RAF1: variants seen among roughly 807,000 people sequenced by gnomAD.
The protein encoded by RAF1 is Raf-1 proto-oncogene, serine/threonine kinase.
A neutral mutation model predicts 81.1 loss-of-function variants in RAF1; 27 were observed. The ratio of observed to expected loss-of-function variants is 0.33; its 90% CI spans 0.25 to 0.46. The LOEUF is 0.46. Among genes scored for constraint, RAF1 ranks in the 20% least tolerant of loss-of-function variants. The probability of loss-of-function intolerance (pLI) is 1.00; values close to 1 mark genes in which losing one functional copy is unlikely to be tolerated. For synonymous variants in RAF1, 298 were observed against 294.0 expected (o/e 1.01, Z -0.14); for missense variants, 598 against 826.0 (o/e 0.72, Z 3.38).
At position 12,654,914 on chromosome 3, in the gene RAF1, G is replaced by A. The variant is rs185049349; in HGVS notation, c.-27+8899C>T. Among the ~76,000 whole-genome samples, 6 of 150,796 alleles carry A rather than the reference G, an allele frequency of 4.0e-5. No individual in the cohort carries two copies. In the East Asian group the frequency reaches 1.2e-3, roughly 31 times the overall value. On this transcript the variant is annotated intron_variant, in intron 1 of 17. Transcript: ENST00000442415. ...AGGAGGGCTGGGCGCAGTGGCTCAA[G>A]CCTGTAATCCCAGTACTTTAGGAGG...
At chr3:12,626,804 A>G (rs1283536044) in intron 1 of RAF1, among the ~76,000 whole-genome samples, 1 of 151,784 alleles carries the variant, frequency 6.6e-6, no homozygotes, top group Admixed American at 6.6e-5. Flanking sequence ...CAGGTGAATT[A>G]CCTGAGGTCA....
intron 2 of RAF1, among the ~76,000 whole-genome samples, chr3:12,615,448 C>G (rs2059343493): frequency 6.6e-6 from 1 of 152,182 alleles, no homozygotes; most frequent in East Asian, 1.9e-4. Context: ...CTAGAACCCA[C>G]TGAGTGATTA....
intron 3 of RAF1, among the ~76,000 whole-genome samples, chr3:12,610,309 C>T (rs2059169380): frequency 6.6e-6 from 1 of 152,200 alleles, no homozygotes; most frequent in African/African-American, 2.4e-5. Context: ...ACAATACATT[C>T]CTTAATATAA....
intron 13 of RAF1, chr3:12,590,385 G>A (rs1325787805): frequency 2.2e-4 from 41 of 188,534 alleles, no homozygotes; most frequent in African/African-American, 9.7e-4. Flanking sequence ...GTGCAGTAAC[G>A]TGATCTAAGC....
At chr3:12,653,475 T>C (rs573538189) in intron 1 of RAF1, among the ~76,000 whole-genome samples, 4 of 152,076 alleles carry the variant, frequency 2.6e-5, no homozygotes, top group South Asian at 2.1e-4. Flanking sequence ...GCTGGGCACA[T>C]TGGCTCATTC....
At chr3:12,631,497 G>T (rs1435116800) in intron 1 of RAF1, among the ~76,000 whole-genome samples, 3 of 152,184 alleles carry the variant, frequency 2.0e-5, no homozygotes, top group African/African-American at 7.2e-5. Context: ...TTCTCGGAAG[G>T]CTGAAGCAGG....
rs2125396773 is a variant in RAF1, at chr3:12,604,125, T to G, written c.834+11A>C. The G allele has an allele frequency of 6.2e-7, 1 of 1,613,886 alleles. No individual in the cohort carries two copies. Among genetic ancestry groups the G allele is most frequent in the Non-Finnish European group, 8.5e-7 (1 of 1,179,970 alleles). On this transcript the variant is annotated intron_variant, in intron 7 of 17. Coordinates refer to ENST00000442415, the MANE Select transcript of RAF1 (RefSeq NM_001354689.3). ...TTGACTGACATTACCACCCCCAAGG[T>G]GCCCTATTACCTCAATCATCCTGCT...
In RAF1 at chr3:12,609,248, G is replaced by A. The variant is rs2125419879; in HGVS notation, c.408C>T (p.Leu136=). ...TGCAACTTACAAAGTTGTGTGTTGT[G>A]AGGGGAACATGATCCAGGAAATCTA... is the stretch of plus-strand genomic sequence containing the variant. The change falls in exon 4 of 18, where the codon CTC becomes CTT. Residue 136 remains leucine (L), a synonymous_variant. Transcript: ENST00000442415. 1 of 1,610,278 alleles carries A rather than the reference G, an allele frequency of 6.2e-7. No individual in the cohort carries two copies. The highest frequency in any genetic ancestry group is 2.2e-5 in the East Asian group (1 of 44,834).
At chr3:12,635,332 A>AG (rs2059986768) in intron 1 of RAF1, among the ~76,000 whole-genome samples, 1 of 135,118 alleles carries the variant, frequency 7.4e-6, no homozygotes, top group Admixed American at 7.7e-5. Context: ...AAAAAAAAAA[A>AG]AAAAAAAAAA....
At chr3:12,635,939 C>T (rs2060014790) in intron 1 of RAF1, among the ~76,000 whole-genome samples, 1 of 151,456 alleles carries the variant, frequency 6.6e-6, no homozygotes, top group Non-Finnish European at 1.5e-5. Flanking sequence ...CGCCACTGCA[C>T]TCCAGCCTGG....
chr3:12,637,595 G>C (rs183519857), intron 1 of RAF1, among the ~76,000 whole-genome samples: 7 of 151,988 alleles, frequency 4.6e-5, no homozygotes, highest in Non-Finnish European at 8.8e-5. Flanking sequence ...ATGGAGGCCG[G>C]GCACAGTGGC....
chr3:12,648,116 T>G (rs1048999747), intron 1 of RAF1, among the ~76,000 whole-genome samples: 1 of 152,182 alleles, frequency 6.6e-6, no homozygotes, highest in Non-Finnish European at 1.5e-5. Flanking sequence ...AGTTTTTCTT[T>G]TCACCTTCAA....
At chr3:12,603,771 CAA>C (rs2058938103) in intron 7 of RAF1, among the ~76,000 whole-genome samples, 2 of 152,290 alleles carry the variant, frequency 1.3e-5, no homozygotes, top group Admixed American at 6.5e-5. Flanking sequence ...AATAAAATCA[CAA>C]AAGTCTTCCA....
intron 1 of RAF1, among the ~76,000 whole-genome samples, chr3:12,641,312 T>C (rs1269557802): frequency 6.6e-6 from 1 of 151,542 alleles, no homozygotes; most frequent in Admixed American, 6.6e-5. Context: ...ATGGCACATG[T>C]ATACATATGT....
At chr3:12,626,086 T>C (rs1257899674) in intron 1 of RAF1, among the ~76,000 whole-genome samples, 3 of 151,312 alleles carry the variant, frequency 2.0e-5, no homozygotes, top group Non-Finnish European at 4.4e-5. Flanking sequence ...GCTAACATAG[T>C]GAAACCCTAT....
chr3:12,629,983 TC>T, intron 1 of RAF1, among the ~76,000 whole-genome samples: 1 of 152,292 alleles, frequency 6.6e-6, no homozygotes, highest in South Asian at 2.1e-4. Flanking sequence ...AGTCTCACTA[TC>T]TTGCCCAGGC....
At chr3:12,608,478 C>T in intron 5 of RAF1, 1 of 437,424 alleles carries the variant, frequency 2.3e-6, no homozygotes, top group East Asian at 4.5e-5. Flanking sequence ...AAAAAATCTT[C>T]TTGTTTTCAT....
chr3:12,619,934 T>C (rs1207317327), intron 1 of RAF1, among the ~76,000 whole-genome samples: 1 of 151,550 alleles, frequency 6.6e-6, no homozygotes, highest in Non-Finnish European at 1.5e-5. Flanking sequence ...TACAAAAAAT[T>C]AGCCAGGCAT....
intron 1 of RAF1, among the ~76,000 whole-genome samples, chr3:12,621,255 C>T (rs1169271778): frequency 2.0e-5 from 3 of 152,160 alleles, no homozygotes; most frequent in African/African-American, 7.2e-5. Flanking sequence ...GGATTCTGAA[C>T]TGGGCTGCAC....
Sources: gnomAD v4.1 joint callset for allele counts (sites outside exome capture counted in the v4.1 genomes callset) on GRCh38, gnomAD v4.1.1 for gene constraint, MANE v1.5 for transcripts, NCBI Gene and HGNC (gene_info 2026-07-23, HGNC 2026-07-21) for gene names.